Variants in FAM161A observed in about 807,000 individuals in gnomAD.
The protein encoded by FAM161A is FAM161 centrosomal protein A, also known as protein FAM161A.
In FAM161A, 57 loss-of-function variants were observed where a neutral mutation model predicts 70.9. The ratio of observed to expected loss-of-function variants is 0.80; its 90% confidence interval spans 0.65 to 1.00. The LOEUF (loss-of-function observed/expected upper bound fraction) is 1.00. Ranked by LOEUF, FAM161A falls within the 50% of genes least tolerant of loss-of-function variation. The pLI, the probability that FAM161A is intolerant of heterozygous loss-of-function variation, is 0.00. For missense variants in FAM161A, 880 were observed against 836.0 expected (o/e 1.05, Z -0.65); for synonymous variants, 299 against 295.7 (o/e 1.01, Z -0.12).
intron 4 of FAM161A, among the ~76,000 whole-genome samples, chr2:61,837,747 A>G (rs1672830068): frequency 6.6e-6 from 1 of 152,194 alleles, no homozygotes; most frequent in African/African-American, 2.4e-5. Flanking sequence ...ATAAATAAAT[A>G]AAAAATAAAA....
chr2:61,817,450 A>G, the FAM161A span, among the ~76,000 whole-genome samples: 2 of 152,350 alleles, frequency 1.3e-5, no homozygotes, highest in East Asian at 1.9e-4. Context: ...GGACTAAGCC[A>G]ACAAATTCAA....
chr2:61,825,988 T>C lies in FAM161A; in HGVS notation c.*467A>G, dbSNP rs770373463. 1 of 454,304 alleles carries C rather than the reference T, an allele frequency of 2.2e-6. No homozygotes were observed. The highest frequency in any genetic ancestry group is 1.6e-5 in the South Asian group (1 of 64,478). 28.1% of individuals were successfully genotyped at this position (454,304 alleles called of 1,614,324 possible). Reference sequence around the variant, plus strand: ...CAGAGCAGCAAAACAAGTTAGAGGATTTATTCTGTGAAATGCACTGCAGAG... The same window carrying C: ...CAGAGCAGCAAAACAAGTTAGAGGACTTATTCTGTGAAATGCACTGCAGAG... On this transcript the variant is annotated 3_prime_UTR_variant, in exon 7 of 7. Transcript: ENST00000404929.
intron 1 of FAM161A, among the ~76,000 whole-genome samples, 161 bp from the exon 2 acceptor site, chr2:61,842,521 T>C (rs556395092): frequency 1.3e-5 from 2 of 152,340 alleles, no homozygotes; most frequent in East Asian, 3.9e-4. Context: ...TTGTGGGCTA[T>C]GTACATTTTC....
At chr2:61,850,999 T>C (rs1242090946) in intron 1 of FAM161A, among the ~76,000 whole-genome samples, 1 of 151,946 alleles carries the variant, frequency 6.6e-6, no homozygotes, top group African/African-American at 2.4e-5. Context: ...CTCAGCCTCC[T>C]GAGTAGCTGA....
the FAM161A span, among the ~76,000 whole-genome samples, chr2:61,804,826 G>GAA: frequency 5.6e-5 from 8 of 142,670 alleles, no homozygotes; most frequent in Non-Finnish European, 1.2e-4. Flanking sequence ...AAGAGAAAGA[G>GAA]AAAGAAAGAA....
chr2:61,803,285 T>G, the FAM161A span: 1 of 628,012 alleles, frequency 1.6e-6, no homozygotes, highest in African/African-American at 1.8e-5. Context: ...GGCTTTGGCA[T>G]GATTTATGAT....
chr2:61,819,792 T>A, the FAM161A span, among the ~76,000 whole-genome samples: 1 of 152,316 alleles, frequency 6.6e-6, no homozygotes, highest in African/African-American at 2.4e-5. Context: ...CATCTGAGCA[T>A]TATTATAGTG....
chr2:61,835,359 G>C (rs1420466286), intron 5 of FAM161A, among the ~76,000 whole-genome samples: 1 of 152,084 alleles, frequency 6.6e-6, no homozygotes, highest in Non-Finnish European at 1.5e-5. Flanking sequence ...GTAAAACCGG[G>C]CATAAACTTA....
chr2:61,837,441 T>C (rs1672814146), intron 4 of FAM161A, among the ~76,000 whole-genome samples: 1 of 152,208 alleles, frequency 6.6e-6, no homozygotes, highest in South Asian at 2.1e-4. Context: ...TTTTAAATGA[T>C]AATTAGGCTT....
downstream of FAM161A, among the ~76,000 whole-genome samples, chr2:61,823,467 C>T (rs1332419848): frequency 6.6e-6 from 1 of 150,794 alleles, no homozygotes; most frequent in Admixed American, 6.7e-5. Flanking sequence ...TGGGCTGAAC[C>T]AATCCTCCCA....
intron 5 of FAM161A, among the ~76,000 whole-genome samples, chr2:61,834,484 T>C (rs1672699383): frequency 6.6e-6 from 1 of 150,944 alleles, no homozygotes; most frequent in South Asian, 2.1e-4. Flanking sequence ...TTTTTTGAGA[T>C]AGAATTTTGG....
chr2:61,845,673 A>G (rs1282001063), intron 1 of FAM161A, among the ~76,000 whole-genome samples: 2 of 151,672 alleles, frequency 1.3e-5, no homozygotes, highest in African/African-American at 4.8e-5. Flanking sequence ...TTTTTTTTAA[A>G]AAATTAGCTG....
chr2:61,835,501 C>T (rs948813460), intron 5 of FAM161A: 4 of 152,286 alleles, frequency 2.6e-5, no homozygotes, highest in Admixed American at 6.5e-5. Context: ...AACTCTGATT[C>T]AATTAGCCAT....
intron 5 of FAM161A, among the ~76,000 whole-genome samples, chr2:61,830,901 G>T (rs757622820): frequency 1.3e-5 from 2 of 151,604 alleles, no homozygotes; most frequent in Non-Finnish European, 2.9e-5. Flanking sequence ...ACAAGGTCAG[G>T]AGTTCGAGAC....
the FAM161A span, among the ~76,000 whole-genome samples, chr2:61,807,482 A>G: frequency 2.0e-5 from 3 of 151,840 alleles, no homozygotes; most frequent in Admixed American, 1.3e-4. Context: ...TGAAAATGTA[A>G]AAAAGAACAT....
At chr2:61,804,514 G>A in the FAM161A span, among the ~76,000 whole-genome samples, 3 of 151,898 alleles carry the variant, frequency 2.0e-5, no homozygotes, top group South Asian at 2.1e-4. Context: ...GTGAAACCCC[G>A]TCTCTACTAA....
chr2:61,828,967 C>T (rs1672476398), intron 5 of FAM161A, among the ~76,000 whole-genome samples: 1 of 152,092 alleles, frequency 6.6e-6, no homozygotes, highest in Non-Finnish European at 1.5e-5. Flanking sequence ...CAAGAATTGC[C>T]CTCTGGACCT....
the FAM161A span, among the ~76,000 whole-genome samples, chr2:61,811,764 C>T: frequency 6.6e-6 from 1 of 152,178 alleles, no homozygotes; most frequent in Admixed American, 6.5e-5. Flanking sequence ...CCTCAACCTC[C>T]CAAAGTGCTG....
chr2:61,836,175 AC>A, intron 4 of FAM161A, 66 bp from the exon 5 acceptor site: 1 of 1,076,846 alleles, frequency 9.3e-7, no homozygotes, highest in Non-Finnish European at 1.4e-6. Context: ...TACATATGTA[AC>A]ATTTAACTTA....
Sources: allele counts gnomAD v4.1 joint callset (sites outside exome capture counted in the v4.1 genomes callset), GRCh38; gene constraint gnomAD v4.1.1; transcripts MANE v1.5; gene names NCBI Gene and HGNC (gene_info 2026-07-23, HGNC 2026-07-21).